ABCC1: variants seen among roughly 807,000 people sequenced by gnomAD.
ABCC1 encodes ATP binding cassette subfamily C member 1 (ABCC1 blood group), also known as multidrug resistance-associated protein 1.
A neutral mutation model predicts 172.9 loss-of-function variants in ABCC1; 83 were observed. The observed-to-expected ratio is 0.48, with a 90% CI of 0.40 to 0.58. ABCC1 has a LOEUF of 0.58. ABCC1 is among the 20% of genes least tolerant of loss of function. The pLI is 0.00. For synonymous variants in ABCC1, 937 were observed against 825.2 expected (o/e 1.14, Z -2.32); for missense variants, 1,817 against 2,002.7 (o/e 0.91, Z 1.77).
intron 11 of ABCC1, among the ~76,000 whole-genome samples, chr16:16,055,724 CGTGATTTGAAGGG>C (rs1567354752): frequency 2.6e-5 from 4 of 151,678 alleles, no homozygotes; most frequent in Non-Finnish European, 5.9e-5. Context: ...TCTAACCTAA[CGTGATTTGAAGGG>C]GTTTTTTTTT....
intron 19 of ABCC1, among the ~76,000 whole-genome samples, chr16:16,100,908 G>A (rs1047765582): frequency 1.3e-5 from 2 of 152,140 alleles, no homozygotes; most frequent in African/African-American, 4.8e-5. Context: ...CACAGTTCCT[G>A]GAGCTCTAAT....
intron 1 of ABCC1, among the ~76,000 whole-genome samples, chr16:15,966,663 T>TC (rs1051748935): frequency 6.6e-6 from 1 of 151,176 alleles, no homozygotes; most frequent in Admixed American, 6.6e-5. Context: ...TTTTTTTTTT[T>TC]TTTTAGAGAC....
chr16:16,013,854 G>A (rs1597118020), intron 3 of ABCC1, among the ~76,000 whole-genome samples: 1 of 152,164 alleles, frequency 6.6e-6, no homozygotes, highest in African/African-American at 2.4e-5. Context: ...GTAAAGTCCT[G>A]AGGGTCACAG....
At chr16:16,064,467 C>T (rs550401589) in intron 12 of ABCC1, among the ~76,000 whole-genome samples, 2 of 152,330 alleles carry the variant, frequency 1.3e-5, no homozygotes, top group Admixed American at 1.3e-4. Flanking sequence ...GCTAGATGAC[C>T]TCCTCCTTCT....
At chr16:16,084,045 A>G (rs781771185) in intron 17 of ABCC1, among the ~76,000 whole-genome samples, 3 of 152,192 alleles carry the variant, frequency 2.0e-5, no homozygotes, top group Non-Finnish European at 4.4e-5. Flanking sequence ...AATACTGAAA[A>G]TAGCACAATA....
chr16:15,987,155 A>G (rs2046762782), intron 1 of ABCC1, among the ~76,000 whole-genome samples: 1 of 152,158 alleles, frequency 6.6e-6, no homozygotes, highest in South Asian at 2.1e-4. Flanking sequence ...ACAAAACGAG[A>G]CCCTGTGTCA....
intron 15 of ABCC1, among the ~76,000 whole-genome samples, chr16:16,077,349 A>G (rs920819011): frequency 1.3e-5 from 2 of 152,120 alleles, no homozygotes; most frequent in Non-Finnish European, 2.9e-5. Flanking sequence ...GTTCTTCCTT[A>G]TGTCTAACTT....
At chr16:16,125,285 A>C (rs536457259) in intron 25 of ABCC1, among the ~76,000 whole-genome samples, 135 of 152,248 alleles carry the variant, frequency 8.9e-4, no homozygotes, top group Non-Finnish European at 1.5e-3. Context: ...CCAGTTTCTT[A>C]TTATGTGGCC....
intron 11 of ABCC1, among the ~76,000 whole-genome samples, chr16:16,055,853 G>A (rs1212724526): frequency 2.0e-5 from 3 of 150,508 alleles, no homozygotes; most frequent in Non-Finnish European, 1.5e-5. Context: ...TTTAATAGAC[G>A]GTGAAGTTGA....
chr16:15,977,624 C>T (rs2046524664), intron 1 of ABCC1, among the ~76,000 whole-genome samples: 2 of 152,072 alleles, frequency 1.3e-5, no homozygotes, highest in African/African-American at 4.8e-5. Context: ...ATCTTAGCAC[C>T]TTGGCCCTTC....
intron 26 of ABCC1, among the ~76,000 whole-genome samples, chr16:16,130,452 AGT>A (rs1416558545): frequency 5.3e-5 from 8 of 152,228 alleles, no homozygotes; most frequent in Admixed American, 4.6e-4. Flanking sequence ...TACTCACTGC[AGT>A]GTGAGGAACA....
In ABCC1 at chr16:16,060,413, T is replaced by C. The variant is rs372236005; in HGVS notation, c.1677+4118T>C. Among the ~76,000 whole-genome samples, 20 of 152,310 alleles carry C rather than the reference T, an allele frequency of 1.3e-4. No individual in the cohort carries two copies. The South Asian group carries it at 3.5e-3, about 27-fold the overall frequency. On this transcript the variant is annotated intron_variant, in intron 12 of 30. Transcript: ENST00000399410. ...ATCTTGTTGCCCTTCTGTAACTCCATGTTCCCTAAGATCACTTCCAGCTCC... is the reference window on the plus strand; with the variant it reads ...ATCTTGTTGCCCTTCTGTAACTCCACGTTCCCTAAGATCACTTCCAGCTCC...
intron 29 of ABCC1, among the ~76,000 whole-genome samples, chr16:16,137,945 C>A (rs1386332220): frequency 6.6e-6 from 1 of 151,746 alleles, no homozygotes; most frequent in East Asian, 1.9e-4. Flanking sequence ...GACTCTAACT[C>A]CTGGACTCAA....
chr16:16,067,107 G>A (rs547389585), intron 12 of ABCC1, among the ~76,000 whole-genome samples: 5 of 152,142 alleles, frequency 3.3e-5, no homozygotes, highest in South Asian at 2.1e-4. Context: ...AAAACTAGCC[G>A]GGCATGGTGG....
At chr16:15,990,322 C>G (rs1366555624) in intron 1 of ABCC1, among the ~76,000 whole-genome samples, 1 of 152,218 alleles carries the variant, frequency 6.6e-6, no homozygotes, top group Non-Finnish European at 1.5e-5. Context: ...GCTGGGATTA[C>G]AGGCATGAGC....
chr16:16,029,220 T>G, intron 5 of ABCC1, among the ~76,000 whole-genome samples: 1 of 151,946 alleles, frequency 6.6e-6, no homozygotes, highest in East Asian at 1.9e-4. Flanking sequence ...TGAGCTCTTT[T>G]TCTTTTCTTT....
chr16:15,969,232 T>C (rs1374761169), intron 1 of ABCC1, among the ~76,000 whole-genome samples: 1 of 152,128 alleles, frequency 6.6e-6, no homozygotes, highest in Non-Finnish European at 1.5e-5. Flanking sequence ...ATATAGTCTT[T>C]ATTTTTTTGT....
intron 30 of ABCC1, among the ~76,000 whole-genome samples, chr16:16,139,262 T>C (rs2046034363): frequency 6.6e-6 from 1 of 152,154 alleles, no homozygotes; most frequent in Non-Finnish European, 1.5e-5. Context: ...ACTGTTTCCA[T>C]TGAACACTGC....
At chr16:15,995,977 G>GTTT (rs565769136) in intron 1 of ABCC1, among the ~76,000 whole-genome samples, 246 of 98,616 alleles carry the variant, frequency 2.5e-3, no homozygotes, top group African/African-American at 3.6e-3. Context: ...GCCCAGCTAA[G>GTTT]TTTTTTTTTT....
Sources: gnomAD v4.1 joint callset for allele counts (sites outside exome capture counted in the v4.1 genomes callset) on GRCh38, gnomAD v4.1.1 for gene constraint, MANE v1.5 for transcripts, NCBI Gene and HGNC (gene_info 2026-07-23, HGNC 2026-07-21) for gene names.